USP20: variants seen among roughly 807,000 people sequenced by gnomAD.
USP20 encodes ubiquitin specific peptidase 20, also known as ubiquitin carboxyl-terminal hydrolase 20.
USP20 carries 80 observed loss-of-function variants against 124.2 expected under a neutral mutation model. The observed-to-expected ratio is 0.64, with a 90% CI of 0.54 to 0.78. USP20 has a LOEUF of 0.78. Among genes scored for constraint, USP20 ranks in the 30% least tolerant of loss-of-function variants. USP20 has a pLI of 0.00. For missense variants in USP20, 1,043 were observed against 1,244.4 expected, an observed-to-expected ratio of 0.84 and a Z score of 2.44; for synonymous variants, 481 against 512.3, an observed-to-expected ratio of 0.94 and a Z score of 0.83.
chr9:129,855,475 C>T (rs1283606954), intron 3 of USP20, among the ~76,000 whole-genome samples: 1 of 151,834 alleles, frequency 6.6e-6, no homozygotes, highest in Non-Finnish European at 1.5e-5. Context: ...ACAGAACAGA[C>T]CACAGGTAGG....
chr9:129,878,228 G>T, intron 22 of USP20, 110 bp from the exon 23 acceptor site: 1 of 856,240 alleles, frequency 1.2e-6, no homozygotes, highest in South Asian at 1.5e-5. Context: ...TGGTGTTTTT[G>T]TAAGACTCTT....
rs1306052917 is a variant in USP20, at chr9:129,879,648, A to C, written c.2584+4A>C. On this transcript the variant is annotated splice_donor_region_variant and intron_variant, in intron 24 of 25. Coordinates refer to ENST00000372429, the MANE Select transcript of USP20 (RefSeq NM_001110303.4). The surrounding 1 kb of genome is among the most constrained non-coding windows in gnomAD (Gnocchi z 4.2). ...GGCCATGTCCAGCTGAAGCAGGGTGAGTTCCCCCTGGGGTCAGCCAGGCTC... is the reference window on the plus strand; with the variant it reads ...GGCCATGTCCAGCTGAAGCAGGGTGCGTTCCCCCTGGGGTCAGCCAGGCTC... The C allele has an allele frequency of 6.2e-7, 1 of 1,613,846 alleles. No homozygotes were observed. The highest frequency in any genetic ancestry group is 8.5e-7 in the Non-Finnish European group (1 of 1,179,948).
In USP20 at chr9:129,874,866, T is replaced by C. The variant is rs1388030980; in HGVS notation, c.1959T>C (p.Asn653=). The C allele has an allele frequency of 5.0e-6, 8 of 1,613,986 alleles. No individual in the cohort carries two copies. The South Asian group carries it at 7.7e-5, about 16-fold the overall frequency. The change falls in exon 19 of 26, where the codon AAT becomes AAC. Residue 653 remains asparagine, a synonymous_variant. Transcript: ENST00000372429. ...HYIAYCQNVI[N]GQWYEFDDQY... ...TCGCCTACTGCCAGAACGTGATCAATGGGCAGTGGTACGAGTTTGATGACC... is the reference window on the plus strand; with the variant it reads ...TCGCCTACTGCCAGAACGTGATCAACGGGCAGTGGTACGAGTTTGATGACC...
intron 6 of USP20, 98 bp from the exon 7 acceptor site, chr9:129,860,839 G>A (rs1315569671): frequency 1.4e-5 from 18 of 1,260,130 alleles, no homozygotes; most frequent in East Asian, 1.2e-4. Context: ...AGGGCCTTCC[G>A]GGCAGTAGGG....
At position 129,868,957 on chromosome 9, in the gene USP20, C is replaced by A. The variant is rs201524680; in HGVS notation, c.1231C>A (p.Arg411Ser). ...TGCCAAGCTGTCTAGCAGCCCCCCT[C>A]GTGCAAGCCCCGTGAGGATGGCACC... Reference protein sequence around the residue: ...GHAKLSSSPPRASPVRMAPSY... With the variant: ...GHAKLSSSPPSASPVRMAPSY... Residue 411 changes from arginine (R) to serine (S), a missense_variant, in exon 12 of 26, where the codon CGT (arginine) becomes AGT (serine). Arg to Ser is a moderately radical substitution (Grantham distance 110). Coordinates refer to ENST00000372429, the MANE Select transcript of USP20 (RefSeq NM_001110303.4). 6.2e-7 allele frequency: 1 copy of A among 1,612,620 alleles called. No homozygotes were observed. Among genetic ancestry groups the A allele is most frequent in the African/African-American group, 1.3e-5 (1 of 74,912 alleles).
intron 3 of USP20, among the ~76,000 whole-genome samples, chr9:129,855,189 T>C (rs2033146785): frequency 6.6e-6 from 1 of 152,164 alleles, no homozygotes; most frequent in Non-Finnish European, 1.5e-5. Flanking sequence ...CCCAGCACTT[T>C]GGGAGGCCAA....
chr9:129,853,489 C>T (rs765470448), intron 3 of USP20, among the ~76,000 whole-genome samples: 17 of 152,214 alleles, frequency 1.1e-4, no homozygotes, highest in Non-Finnish European at 2.2e-4. Context: ...GTAGAAAAGT[C>T]ATTGCATCCA....
At chr9:129,873,996 G>A (rs2034263211) in intron 17 of USP20, among the ~76,000 whole-genome samples, 1 of 152,198 alleles carries the variant, frequency 6.6e-6, no homozygotes, top group Non-Finnish European at 1.5e-5. Context: ...GGCCCAATGG[G>A]AGGCAGGTGT....
At chr9:129,841,139 T>C (rs1480426607) in intron 1 of USP20, among the ~76,000 whole-genome samples, 1 of 152,228 alleles carries the variant, frequency 6.6e-6, no homozygotes, top group Non-Finnish European at 1.5e-5. Flanking sequence ...TACCACAGAC[T>C]GGGTGGCTTA....
At chr9:129,862,514 T>C (rs956967493) in intron 8 of USP20, among the ~76,000 whole-genome samples, 41 of 137,252 alleles carry the variant, frequency 3.0e-4, no homozygotes, top group African/African-American at 1.1e-3. Context: ...GATCATGCCA[T>C]TGCATTCCAG....
chr9:129,877,745 G>C (rs904686050), intron 22 of USP20, among the ~76,000 whole-genome samples: 1 of 152,064 alleles, frequency 6.6e-6, no homozygotes, highest in Non-Finnish European at 1.5e-5. Context: ...GCCTCTCTGA[G>C]CAGATAGGCA....
At chr9:129,856,054 CAT>C (rs2131057944) in intron 3 of USP20, among the ~76,000 whole-genome samples, 1 of 152,342 alleles carries the variant, frequency 6.6e-6, no homozygotes, top group African/African-American at 2.4e-5. Context: ...ACACTAAAAT[CAT>C]AAAATGTTGA....
In USP20 at chr9:129,880,578, G is replaced by C. The variant is rs772754948; in HGVS notation, c.*128G>C. 1 of 375,528 alleles carries C rather than the reference G, an allele frequency of 2.7e-6. No homozygotes were observed. The highest frequency in any genetic ancestry group is 5.0e-6 in the Non-Finnish European group (1 of 200,614). The allele number at this position is 375,528 out of a possible 1,614,324, so 23.3% of individuals were successfully genotyped here. ...AAAAGTTGGTTTGGTTTGCAGTAAC[G>C]CTGCAACTAGAAAATATATGCACTT... On this transcript the variant is annotated 3_prime_UTR_variant, in exon 26 of 26. Coordinates refer to ENST00000372429, the MANE Select transcript of USP20 (RefSeq NM_001110303.4).
intron 1 of USP20, among the ~76,000 whole-genome samples, chr9:129,840,144 C>T (rs1347399258): frequency 3.3e-5 from 5 of 152,224 alleles, no homozygotes; most frequent in African/African-American, 7.2e-5. Flanking sequence ...TCCTACTCTG[C>T]GTGGCTGCAC....
In USP20 at chr9:129,877,861, G is replaced by T. The variant is rs976141895; in HGVS notation, c.2410-477G>T. ...GGTCGAGGTGGGCGGATCACCTGAG[G>T]TCAGGAGTTCAAGACCAGCCTGGCC... On this transcript the variant is annotated intron_variant, in intron 22 of 25. Transcript: ENST00000372429. Among the ~76,000 whole-genome samples the T allele has an allele frequency of 2.0e-5, 3 of 151,894 alleles. No individual in the cohort carries two copies. In the South Asian group the frequency reaches 6.2e-4, roughly 32 times the overall value.
chr9:129,859,298 G>A (rs958903505), intron 6 of USP20, among the ~76,000 whole-genome samples: 2 of 9,304 alleles, frequency 2.1e-4, no homozygotes, highest in African/African-American at 4.7e-4. Context: ...TTTTGAGACC[G>A]AGTCTCGCTC....
At chr9:129,848,271 A>G (rs4545196) in intron 1 of USP20, among the ~76,000 whole-genome samples, 21,845 of 150,748 alleles carry the variant, frequency 0.14, 2,065 homozygotes, top group African/African-American at 0.26. Context: ...ACTCCAGCCT[A>G]GGCAACAAGA....
chr9:129,838,663 A>T (rs1204625770), intron 1 of USP20, among the ~76,000 whole-genome samples: 1 of 152,142 alleles, frequency 6.6e-6, no homozygotes, highest in African/African-American at 2.4e-5. Flanking sequence ...AAAAGAGAGG[A>T]TCTGATTTCA....
At chr9:129,878,616 C>T (rs1391867147) in intron 23 of USP20, among the ~76,000 whole-genome samples, 176 bp downstream of exon 23, 1 of 152,206 alleles carries the variant, frequency 6.6e-6, no homozygotes, top group African/African-American at 2.4e-5. Context: ...GTGGGGATCA[C>T]TGTCCCCACC....
Sources: allele counts gnomAD v4.1 joint callset (sites outside exome capture counted in the v4.1 genomes callset), GRCh38; gene constraint gnomAD v4.1.1; non-coding constraint Gnocchi (gnomAD v3.1); transcripts MANE v1.5; gene names NCBI Gene and HGNC (gene_info 2026-07-23, HGNC 2026-07-21).